FOXN3: variants seen among roughly 807,000 people sequenced by gnomAD.
FOXN3 encodes the protein forkhead box protein N3.
A neutral mutation model predicts 38.4 loss-of-function variants in FOXN3; 7 were observed. The observed-to-expected ratio is 0.18, with a 90% confidence interval of 0.10 to 0.34. The LOEUF (loss-of-function observed/expected upper bound fraction) is 0.34, where lower values mean the gene tolerates loss of function less well. Ranked by LOEUF, FOXN3 falls within the 10% of genes least tolerant of loss-of-function variation. FOXN3 has a pLI of 1.00. For missense variants in FOXN3, 456 were observed against 613.4 expected (o/e 0.74, Z 2.71); for synonymous variants, 230 against 242.2 (o/e 0.95, Z 0.47).
intron 1 of FOXN3, among the ~76,000 whole-genome samples, chr14:89,496,573 C>T (rs749056368): frequency 1.3e-5 from 2 of 152,064 alleles, no homozygotes; most frequent in Non-Finnish European, 2.9e-5. Flanking sequence ...TTTAGCCTCC[C>T]TAAGGAAGTA....
intron 1 of FOXN3, among the ~76,000 whole-genome samples, chr14:89,611,805 C>CAAAAAA (rs56373132): frequency 1.1e-5 from 1 of 89,280 alleles, no homozygotes; most frequent in Admixed American, 1.0e-4. Context: ...GACTCCGTCT[C>CAAAAAA]AAAAAAAAAA....
intron 4 of FOXN3, among the ~76,000 whole-genome samples, chr14:89,257,623 A>AC (rs965664085): frequency 6.6e-6 from 1 of 152,122 alleles, no homozygotes; most frequent in Admixed American, 6.5e-5. Flanking sequence ...AGTGGCGCAC[A>AC]CCTATAGTCC....
chr14:89,497,031 T>G (rs1566675643), intron 1 of FOXN3, among the ~76,000 whole-genome samples: 1 of 152,220 alleles, frequency 6.6e-6, no homozygotes. Context: ...CTCAGCTTAC[T>G]GCAACCTCCG....
At chr14:89,226,389 A>C (rs1318611332) in intron 4 of FOXN3, among the ~76,000 whole-genome samples, 1 of 152,006 alleles carries the variant, frequency 6.6e-6, no homozygotes, top group African/African-American at 2.4e-5. Flanking sequence ...CCATGCCCAG[A>C]CAAGTTTTAA....
intron 1 of FOXN3, among the ~76,000 whole-genome samples, chr14:89,611,773 T>G (rs1896397857): frequency 7.8e-6 from 1 of 128,884 alleles, no homozygotes; most frequent in African/African-American, 3.2e-5. Context: ...GCCACTGCAC[T>G]CCAGCCTGGG....
chr14:89,540,109 G>A (rs915627094), intron 1 of FOXN3, among the ~76,000 whole-genome samples: 3 of 152,144 alleles, frequency 2.0e-5, no homozygotes, highest in Non-Finnish European at 4.4e-5. Context: ...GTTTTCTCAC[G>A]CCACTCCTTC....
rs1596074776 is a variant in FOXN3 at position 89,163,810 on chromosome 14, C to A, written c.852-841G>T. Among the ~76,000 whole-genome samples, 1 of 152,322 alleles carries A rather than the reference C, an allele frequency of 6.6e-6. No individual in the cohort carries two copies. Among genetic ancestry groups the A allele is most frequent in the South Asian group, 2.1e-4 (1 of 4,822 alleles). ...CAGTGATGTACTTAAAGTCACACAA[C>A]TGATCACTTGCGGAGCAGGGACTGG... On this transcript the variant is annotated intron_variant, in intron 5 of 5. Coordinates refer to ENST00000557258, the MANE Select transcript of FOXN3 (RefSeq NM_005197.4). The surrounding 1 kb of genome is among the most constrained non-coding windows in gnomAD (Gnocchi z 4.3).
At chr14:89,531,105 A>C (rs1167634409) in intron 1 of FOXN3, among the ~76,000 whole-genome samples, 1 of 148,608 alleles carries the variant, frequency 6.7e-6, no homozygotes, top group Non-Finnish European at 1.5e-5. Context: ...CACATATATA[A>C]TATACACACA....
chr14:89,381,271 A>G (rs1890638655), intron 2 of FOXN3, among the ~76,000 whole-genome samples: 1 of 152,094 alleles, frequency 6.6e-6, no homozygotes, highest in South Asian at 2.1e-4. Context: ...AAATAGCAAT[A>G]ATAATTGTCT....
In FOXN3 at chr14:89,253,257, G is replaced by A. The variant is rs117840006; in HGVS notation, c.745+27693C>T. On this transcript the variant is annotated intron_variant, in intron 4 of 5. Coordinates refer to ENST00000557258, the MANE Select transcript of FOXN3 (RefSeq NM_005197.4). ...TTTTCAGGGAGTGCTCACCGGCATC[G>A]CGGAAAAGAGCCTCTGGCAGGGATC... Among the ~76,000 whole-genome samples, 28 of 152,344 alleles carry A rather than the reference G, an allele frequency of 1.8e-4. No individual in the cohort carries two copies. In the East Asian group the frequency reaches 4.4e-3, roughly 24 times the overall value.
chr14:89,270,927 C>G (rs1004171931), intron 4 of FOXN3, among the ~76,000 whole-genome samples: 1 of 152,098 alleles, frequency 6.6e-6, no homozygotes, highest in Non-Finnish European at 1.5e-5. Context: ...CAACAGGGGA[C>G]CTGGGGAGAA....
intron 5 of FOXN3, among the ~76,000 whole-genome samples, chr14:89,172,606 A>G (rs1342040151): frequency 6.6e-6 from 1 of 152,234 alleles, no homozygotes; most frequent in East Asian, 1.9e-4. Context: ...TCCCAGACTT[A>G]AGAACTTACA....
At position 89,491,567 on chromosome 14, in the gene FOXN3, C is replaced by G. The variant is rs116164604; in HGVS notation, c.-14-79077G>C. On this transcript the variant is annotated intron_variant, in intron 1 of 6. Transcript: ENST00000345097. ...CCAAGGAAAAGAAAACACAGTGAGA[C>G]GAGAAGCTGGAAAGAAACTCAAAGT... Among the ~76,000 whole-genome samples, 3 of 152,230 alleles carry G rather than the reference C, an allele frequency of 2.0e-5. No homozygotes were observed. The East Asian group carries it at 5.8e-4, about 29-fold the overall frequency.
chr14:89,592,187 T>C (rs528159147), intron 1 of FOXN3, among the ~76,000 whole-genome samples: 6 of 152,120 alleles, frequency 3.9e-5, no homozygotes, highest in African/African-American at 1.4e-4. Flanking sequence ...GACAAAAAGA[T>C]GATTAAGAAA....
intron 3 of FOXN3, among the ~76,000 whole-genome samples, chr14:89,329,661 T>C (rs1888180962): frequency 6.6e-6 from 1 of 151,886 alleles, no homozygotes; most frequent in Non-Finnish European, 1.5e-5. Context: ...TTCGAGACCA[T>C]CCTGCCTAAC....
chr14:89,604,514 A>C lies in FOXN3; in HGVS notation c.-15+14514T>G, dbSNP rs147297973. The stretch of plus-strand genomic sequence containing the variant: ...AGACTGCAGCACATAGAAATATAGA[A>C]ATAGAAAAGATGACAGAGAAGCTAA... On this transcript the variant is annotated intron_variant, in intron 1 of 6. Coordinates refer to the FOXN3 transcript ENST00000345097. Among the ~76,000 whole-genome samples, 351 of 152,338 alleles carry C rather than the reference A, an allele frequency of 2.3e-3. 1 individual carries two copies. Among genetic ancestry groups the C allele is most frequent in the African/African-American group, 8.1e-3 (336 of 41,588 alleles).
chr14:89,420,133 T>C (rs1891864048), upstream of FOXN3, among the ~76,000 whole-genome samples: 1 of 152,236 alleles, frequency 6.6e-6, no homozygotes, highest in African/African-American at 2.4e-5. Context: ...TGGCTTCCTC[T>C]GCTCAATGAT....
At chr14:89,307,688 G>A (rs908954995) in intron 3 of FOXN3, among the ~76,000 whole-genome samples, 8 of 151,756 alleles carry the variant, frequency 5.3e-5, no homozygotes, top group Non-Finnish European at 1.2e-4. Context: ...TGGGAGACAC[G>A]TGTTTGCATC....
At chr14:89,264,307 C>T (rs1885899865) in intron 4 of FOXN3, among the ~76,000 whole-genome samples, 1 of 152,150 alleles carries the variant, frequency 6.6e-6, no homozygotes, top group African/African-American at 2.4e-5. Flanking sequence ...GCGAAAGACA[C>T]ATCTTACATG....
Sources: gnomAD v4.1 joint callset for allele counts (sites outside exome capture counted in the v4.1 genomes callset) on GRCh38, gnomAD v4.1.1 for gene constraint, Gnocchi (gnomAD v3.1) non-coding constraint, MANE v1.5 for transcripts, NCBI Gene and HGNC (gene_info 2026-07-23, HGNC 2026-07-21) for gene names.